Variants in WDR7 observed in about 807,000 individuals in gnomAD.
WDR7 encodes the protein WD repeat-containing protein 7.
In WDR7, 46 loss-of-function variants were observed where a neutral mutation model predicts 169.4. The observed-to-expected ratio is 0.27, with a 90% CI of 0.21 to 0.35. The LOEUF is 0.35. WDR7 is among the 10% of genes least tolerant of loss of function. The probability of loss-of-function intolerance (pLI) is 1.00; values close to 1 mark genes in which losing one functional copy is unlikely to be tolerated. For missense variants in WDR7, 1,534 were observed against 1,859.3 expected (o/e 0.83, Z 3.22); for synonymous variants, 612 against 666.8 (o/e 0.92, Z 1.27).
At chr18:56,969,906 C>T (rs1376895668) in intron 26 of WDR7, among the ~76,000 whole-genome samples, 2 of 152,048 alleles carry the variant, frequency 1.3e-5, no homozygotes, top group Admixed American at 6.6e-5. Flanking sequence ...AGTGTGGTTG[C>T]GTAGTTAATA....
chr18:57,028,747 A>G lies in WDR7; in HGVS notation c.*1540A>G, dbSNP rs1320713143. Reference sequence around the variant, plus strand: ...TTAAAGAGCATATTAAGAAATTAAGACCATTAGATCATCTCTTTCATAATG... The same window carrying G: ...TTAAAGAGCATATTAAGAAATTAAGGCCATTAGATCATCTCTTTCATAATG... On this transcript the variant is annotated 3_prime_UTR_variant, in exon 28 of 28. Coordinates refer to ENST00000254442, the MANE Select transcript of WDR7 (RefSeq NM_015285.3). 1 of 152,662 alleles carries G rather than the reference A, an allele frequency of 6.6e-6. No homozygotes were observed. The highest frequency in any genetic ancestry group is 1.5e-5 in the Non-Finnish European group (1 of 68,036). The allele number at this position is 152,662 out of a possible 1,614,324, so 9.5% of individuals were successfully genotyped here.
chr18:56,959,373 G>T (rs9951535), intron 25 of WDR7, among the ~76,000 whole-genome samples: 9,333 of 152,176 alleles, frequency 0.061, 919 homozygotes, highest in African/African-American at 0.21. Flanking sequence ...CAACTTATTG[G>T]ATGATGACCA....
chr18:56,705,033 A>G (rs915226463), intron 12 of WDR7, among the ~76,000 whole-genome samples: 4 of 152,120 alleles, frequency 2.6e-5, no homozygotes, highest in African/African-American at 7.2e-5. Context: ...AAGTCTTGCT[A>G]TGTTGCCCAG....
intron 26 of WDR7, among the ~76,000 whole-genome samples, chr18:56,974,410 G>A (rs1449478049): frequency 7.6e-6 from 1 of 131,554 alleles, no homozygotes; most frequent in South Asian, 2.3e-4. Flanking sequence ...TGTTGCCCAA[G>A]CTGGAGTGCA....
rs373301449 is a variant in WDR7, at chr18:56,731,544, C to G, written c.1936C>G (p.His646Asp). 3.1e-6 allele frequency: 5 copies of G among 1,614,088 alleles called. No homozygotes were observed. Among genetic ancestry groups the G allele is most frequent in the Non-Finnish European group, 3.4e-6 (4 of 1,180,008 alleles). The stretch of plus-strand genomic sequence containing the variant: ...TGCTGCTCTTAAAAATATGGCCCAT[C>G]ATAAGCTACAAACCCTTGCAACTAA... Reference protein sequence around the residue: ...SLAALKNMAHHKLQTLATNLL... With the variant: ...SLAALKNMAHDKLQTLATNLL... The change falls in exon 14 of 28, where the codon CAT becomes GAT. Residue 646 changes from histidine (H) to aspartate (D), a missense_variant. Physicochemically the swap from His to Asp is moderately conservative, Grantham distance 81 (BLOSUM62 -1). Transcript: ENST00000254442.
the WDR7 span, chr18:57,035,690 A>G: frequency 6.6e-6 from 1 of 152,352 alleles, no homozygotes; most frequent in African/African-American, 2.4e-5. Context: ...ATCAAGGAGG[A>G]TGACAAGGTC....
chr18:56,973,496 G>A (rs1386877934), intron 26 of WDR7, among the ~76,000 whole-genome samples: 1 of 151,890 alleles, frequency 6.6e-6, no homozygotes, highest in African/African-American at 2.4e-5. Flanking sequence ...TTGTGTGTGG[G>A]GGGGGTGTAT....
intron 9 of WDR7, 73 bp from the exon 10 acceptor site, chr18:56,694,546 T>C: frequency 6.9e-7 from 1 of 1,450,728 alleles, no homozygotes; most frequent in Non-Finnish European, 9.4e-7. Flanking sequence ...ATATCTTTGT[T>C]TGAAAAGCAT....
At chr18:56,868,283 T>G (rs1023943807) in intron 20 of WDR7, among the ~76,000 whole-genome samples, 5 of 152,152 alleles carry the variant, frequency 3.3e-5, no homozygotes, top group Non-Finnish European at 7.4e-5. Flanking sequence ...TTTAAAAAAA[T>G]GAATACTACA....
At chr18:56,815,925 A>G in intron 19 of WDR7, 106 bp from the exon 20 acceptor site, 2 of 838,500 alleles carry the variant, frequency 2.4e-6, no homozygotes, top group Non-Finnish European at 3.6e-6. Context: ...ATATTTTTTA[A>G]TGTATTGTGT....
chr18:57,024,837 A>G (rs867307714), intron 27 of WDR7, among the ~76,000 whole-genome samples: 23 of 80,120 alleles, frequency 2.9e-4, no homozygotes, highest in East Asian at 2.0e-3. Flanking sequence ...GTGAGCTATG[A>G]TAGTTATGTC....
intron 25 of WDR7, among the ~76,000 whole-genome samples, chr18:56,946,662 T>C (rs1274555383): frequency 6.6e-6 from 1 of 152,144 alleles, no homozygotes; most frequent in African/African-American, 2.4e-5. Context: ...CTAAGTCCTT[T>C]ATGTTATGTA....
chr18:56,943,012 A>G (rs866374357), intron 25 of WDR7, among the ~76,000 whole-genome samples: 1 of 152,238 alleles, frequency 6.6e-6, no homozygotes, highest in Admixed American at 6.5e-5. Context: ...GCTGCAATAG[A>G]TGATAAATTA....
chr18:56,663,140 T>C (rs1315440293), intron 1 of WDR7, among the ~76,000 whole-genome samples: 1 of 152,242 alleles, frequency 6.6e-6, no homozygotes, highest in Non-Finnish European at 1.5e-5. Context: ...ACACCAGCCC[T>C]ATCACAGTAG....
intron 20 of WDR7, among the ~76,000 whole-genome samples, chr18:56,845,955 C>G (rs573594975): frequency 2.9e-4 from 44 of 152,186 alleles, no homozygotes; most frequent in African/African-American, 1.1e-3. Context: ...ATAGCCTGCC[C>G]TCAACACTTA....
intron 19 of WDR7, among the ~76,000 whole-genome samples, chr18:56,800,238 T>C (rs1299050023): frequency 1.3e-5 from 2 of 152,222 alleles, no homozygotes; most frequent in Non-Finnish European, 2.9e-5. Context: ...AATCATTGGT[T>C]AGATATGAAT....
At chr18:56,996,399 A>G (rs1326751094) in intron 26 of WDR7, among the ~76,000 whole-genome samples, 3 of 152,228 alleles carry the variant, frequency 2.0e-5, no homozygotes, top group Non-Finnish European at 4.4e-5. Context: ...AGACTTTTGC[A>G]TAGTTCATAC....
chr18:56,849,214 C>G (rs182312438), intron 20 of WDR7, among the ~76,000 whole-genome samples: 1 of 152,230 alleles, frequency 6.6e-6, no homozygotes, highest in East Asian at 1.9e-4. Flanking sequence ...ATTTTACAAA[C>G]CCTTATCAGG....
intron 25 of WDR7, among the ~76,000 whole-genome samples, chr18:56,959,344 C>T (rs913294250): frequency 2.6e-5 from 4 of 152,128 alleles, no homozygotes; most frequent in South Asian, 2.1e-4. Flanking sequence ...ATGATGAAAG[C>T]ATGGAGATCA....
Sources: gnomAD v4.1 joint callset for allele counts (sites outside exome capture counted in the v4.1 genomes callset) on GRCh38, gnomAD v4.1.1 for gene constraint, MANE v1.5 for transcripts, NCBI Gene and HGNC (gene_info 2026-07-23, HGNC 2026-07-21) for gene names.